Variants in PCDHGA11 observed in about 807,000 individuals in gnomAD.
PCDHGA11 encodes the protein protocadherin gamma subfamily A, 11.
Under a neutral mutation model 60.4 loss-of-function variants are expected in PCDHGA11, and 39 were observed. That is an observed-to-expected ratio of 0.65 (90% CI 0.50 to 0.84). The LOEUF is 0.84. PCDHGA11 is among the 40% of genes least tolerant of loss of function. The probability of loss-of-function intolerance (pLI) is 0.00; values close to 1 mark genes in which losing one functional copy is unlikely to be tolerated. For synonymous variants in PCDHGA11, 533 were observed against 510.3 expected (o/e 1.04, Z -0.60); for missense variants, 1,165 against 1,197.7 (o/e 0.97, Z 0.40).
In PCDHGA11 at chr5:141,421,999, T is replaced by C; in HGVS notation, c.772T>C (p.Ser258Pro). The C allele has an allele frequency of 6.2e-7, 1 of 1,609,214 alleles. No homozygotes were observed. The highest frequency in any genetic ancestry group is 8.5e-7 in the Non-Finnish European group (1 of 1,177,878). Residue 258 changes from serine to proline, a missense_variant, in exon 1 of 4, where the codon TCC becomes CCC. Transcript: ENST00000398587. ...CGTGAGTGTTCCAGAAAACATCAGCTCCGGAACTCGGGTGCTGATGGTTAA... is the reference window on the plus strand; with the variant it reads ...CGTGAGTGTTCCAGAAAACATCAGCCCCGGAACTCGGGTGCTGATGGTTAA... ...YRVSVPENIS[S>P]GTRVLMVNAT...
chr5:141,451,874 C>T (rs1264178631), intron 1 of PCDHGA11, among the ~76,000 whole-genome samples: 1 of 151,956 alleles, frequency 6.6e-6, no homozygotes, highest in Non-Finnish European at 1.5e-5. Context: ...GAATGAAACC[C>T]TGTCAAGAAA....
At chr5:141,478,173 A>G (rs1397071220) in intron 1 of PCDHGA11, 1 of 1,613,986 alleles carries the variant, frequency 6.2e-7, no homozygotes, top group Non-Finnish European at 8.5e-7. Flanking sequence ...CCCCGGGAGC[A>G]GAAAAAAAAT....
chr5:141,473,476 A>G (rs1300050332), intron 1 of PCDHGA11, among the ~76,000 whole-genome samples: 15 of 151,558 alleles, frequency 9.9e-5, no homozygotes, highest in Admixed American at 9.2e-4. Context: ...GCCAAGTTCA[A>G]TGGAAAAAAT....
chr5:141,510,272 TAAA>T (rs546154379), intron 3 of PCDHGA11, among the ~76,000 whole-genome samples: 2 of 130,370 alleles, frequency 1.5e-5, no homozygotes, highest in Non-Finnish European at 3.3e-5. Context: ...GACTCCATCT[TAAA>T]AAAAAAAAAA....
At position 141,459,173 on chromosome 5, in the gene PCDHGA11, AG is replaced by A. The variant is rs370401072; in HGVS notation, c.2433+35514del. Among the ~76,000 whole-genome samples the A allele has an allele frequency of 3.1e-3, 479 of 152,326 alleles. 10 individuals carry two copies. In the South Asian group the frequency reaches 0.063, roughly 20 times the overall value. ...ATAGAACATTTCTATAACCTTCAAA[AG>A]TTCCCTCATGCCCCTTTGCAATCAA... On this transcript the variant is annotated intron_variant, in intron 1 of 3. Coordinates refer to ENST00000398587, the MANE Select transcript of PCDHGA11 (RefSeq NM_018914.3).
chr5:141,461,591 C>T (rs1368759571), intron 1 of PCDHGA11, among the ~76,000 whole-genome samples: 1 of 152,088 alleles, frequency 6.6e-6, no homozygotes, highest in Non-Finnish European at 1.5e-5. Flanking sequence ...GTTATATTTC[C>T]ATTATAATTT....
At chr5:141,469,044 A>C (rs1247890388) in intron 1 of PCDHGA11, among the ~76,000 whole-genome samples, 1 of 152,128 alleles carries the variant, frequency 6.6e-6, no homozygotes, top group East Asian at 1.9e-4. Context: ...TGGGAGGCCA[A>C]GGTGGGAGGA....
In PCDHGA11 at chr5:141,421,322, T is replaced by A. The variant is rs774885270; in HGVS notation, c.95T>A (p.Ile32Asn). The A allele has an allele frequency of 6.2e-7, 1 of 1,613,864 alleles. No individual in the cohort carries two copies. The highest frequency in any genetic ancestry group is 8.5e-7 in the Non-Finnish European group (1 of 1,179,860). ...CTGCGGGGGTTCCGGGCCAGGCAGATCCGATATTCGGTGCCAGAAGAGACC... is the reference window on the plus strand; with the variant it reads ...CTGCGGGGGTTCCGGGCCAGGCAGAACCGATATTCGGTGCCAGAAGAGACC... Reference protein sequence around the residue: ...GTLRGFRARQIRYSVPEETEK... With the variant: ...GTLRGFRARQNRYSVPEETEK... The change falls in exon 1 of 4, where the codon ATC (isoleucine) becomes AAC (asparagine). Residue 32 changes from isoleucine (I) to asparagine (N), a missense_variant. By Grantham distance (149) the Ile-to-Asn change is moderately radical. Coordinates refer to ENST00000398587, the MANE Select transcript of PCDHGA11 (RefSeq NM_018914.3).
intron 1 of PCDHGA11, among the ~76,000 whole-genome samples, chr5:141,481,668 A>G (rs1051166504): frequency 6.6e-6 from 1 of 152,090 alleles, no homozygotes; most frequent in Admixed American, 6.6e-5. Flanking sequence ...TAATACAAAA[A>G]TCAGGCCGGG....
intron 1 of PCDHGA11, among the ~76,000 whole-genome samples, chr5:141,459,682 A>G (rs557568098): frequency 2.4e-4 from 37 of 152,358 alleles, no homozygotes; most frequent in African/African-American, 8.2e-4. Flanking sequence ...AGCAATGCAT[A>G]AAGCGTTCCG....
chr5:141,455,961 G>C (rs1447678052), intron 1 of PCDHGA11, among the ~76,000 whole-genome samples: 1 of 150,954 alleles, frequency 6.6e-6, no homozygotes, highest in African/African-American at 2.4e-5. Context: ...GCAGTGGCGC[G>C]ATCTCAGCTC....
In PCDHGA11 at chr5:141,421,206, G is replaced by A; in HGVS notation, c.-22G>A. 1 of 1,531,730 alleles carries A rather than the reference G, an allele frequency of 6.5e-7. No individual in the cohort carries two copies. Among genetic ancestry groups the A allele is most frequent in the Non-Finnish European group, 8.8e-7 (1 of 1,142,540 alleles). 94.9% of individuals were successfully genotyped at this position (1,531,730 alleles called of 1,614,324 possible). A position where few individuals can be genotyped will look rare whatever the true frequency, so the allele number is the denominator to read the frequency against. On this transcript the variant is annotated 5_prime_UTR_variant, in exon 1 of 4. Coordinates refer to ENST00000398587, the MANE Select transcript of PCDHGA11 (RefSeq NM_018914.3). ...CAACCAACCAGCTCGAGAAACCGCG[G>A]AATATCGGCTTAGAGCCTGCCATGG...
chr5:141,438,180 A>G (rs2097937602), intron 1 of PCDHGA11, among the ~76,000 whole-genome samples: 1 of 152,204 alleles, frequency 6.6e-6, no homozygotes, highest in African/African-American at 2.4e-5. Context: ...AATATTTTAT[A>G]AAGGATGAGA....
rs1357901633 is a variant in PCDHGA11, at chr5:141,476,594, C to G, written c.2434-18213C>G. On this transcript the variant is annotated intron_variant, in intron 1 of 3. Transcript: ENST00000398587. This position sits in a 1 kb window ranked among gnomAD's most constrained non-coding sequence, Gnocchi z 7.6. ...GACGCGCTTTCCGCTCGAGAGCGCG[C>G]ACGATCCCGATGTGGGAAGCAACTC... The G allele has an allele frequency of 3.7e-6, 6 of 1,614,242 alleles. No homozygotes were observed. The highest frequency in any genetic ancestry group is 4.2e-6 in the Non-Finnish European group (5 of 1,180,040).
intron 1 of PCDHGA11, chr5:141,427,176 G>A (rs777424789): frequency 2.2e-6 from 1 of 456,742 alleles, no homozygotes; most frequent in Non-Finnish European, 4.4e-6. Context: ...TCAAAATGGG[G>A]AAATTAAATC....
At chr5:141,506,787 G>A (rs55775963) in intron 3 of PCDHGA11, among the ~76,000 whole-genome samples, 1,925 of 152,270 alleles carry the variant, frequency 0.013, 43 homozygotes, top group African/African-American at 0.044. Flanking sequence ...CTTATAAGGA[G>A]GCTGGCAGAG....
chr5:141,475,867 G>A (rs2099377217), intron 1 of PCDHGA11: 1 of 504,884 alleles, frequency 2.0e-6, no homozygotes, highest in Non-Finnish European at 3.5e-6. Flanking sequence ...CTCATTCTTC[G>A]TGCAGTTATT....
intron 1 of PCDHGA11, among the ~76,000 whole-genome samples, chr5:141,459,561 C>T (rs912894386): frequency 2.6e-5 from 4 of 151,954 alleles, no homozygotes; most frequent in African/African-American, 7.3e-5. Context: ...GGATAAATAC[C>T]CCAAAACAGA....
intron 1 of PCDHGA11, among the ~76,000 whole-genome samples, chr5:141,484,454 G>A (rs932663778): frequency 6.6e-6 from 1 of 152,212 alleles, no homozygotes; most frequent in African/African-American, 2.4e-5. Context: ...AATTGGCTAC[G>A]TTAATGTGTA....
Sources: gnomAD v4.1 joint callset for allele counts (sites outside exome capture counted in the v4.1 genomes callset) on GRCh38, gnomAD v4.1.1 for gene constraint, Gnocchi (gnomAD v3.1) non-coding constraint, MANE v1.5 for transcripts, NCBI Gene and HGNC (gene_info 2026-07-23, HGNC 2026-07-21) for gene names.